The following RNF130 variants were observed in gnomAD, a reference collection of about 807,000 sequenced individuals.
RNF130 encodes the protein E3 ubiquitin-protein ligase RNF130.
RNF130 carries 21 observed loss-of-function variants against 44.6 expected under a neutral mutation model. The observed-to-expected ratio is 0.47, with a 90% CI of 0.33 to 0.68. The LOEUF is 0.68. Among genes scored for constraint, RNF130 ranks in the 30% least tolerant of loss-of-function variants. The probability of loss-of-function intolerance (pLI) is 0.02; values close to 1 mark genes in which losing one functional copy is unlikely to be tolerated. For missense variants in RNF130, 479 were observed against 560.6 expected, an observed-to-expected ratio of 0.85 and a Z score of 1.47; for synonymous variants, 214 against 210.4, an observed-to-expected ratio of 1.02 and a Z score of -0.15.
In RNF130 at chr5:180,052,055, G is replaced by A. The variant is rs569594000; in HGVS notation, c.248-11408C>T. 3.9e-4 allele frequency among the ~76,000 whole-genome samples: 60 copies of A among 152,060 alleles called. 1 individual carries two copies. The South Asian group carries it at 0.012, about 31-fold the overall frequency. On this transcript the variant is annotated intron_variant, in intron 1 of 8. Transcript: ENST00000521389. Reference sequence around the variant, plus strand: ...CTTCCCGAGGCTCTCTGTTCTCTTGGCTCCTATCCATCAAGTTTTCCTCCC... The same window carrying A: ...CTTCCCGAGGCTCTCTGTTCTCTTGACTCCTATCCATCAAGTTTTCCTCCC...
chr5:180,061,029 C>T (rs1265930704), intron 1 of RNF130, among the ~76,000 whole-genome samples: 1 of 144,488 alleles, frequency 6.9e-6, no homozygotes, highest in African/African-American at 2.7e-5. Flanking sequence ...CAAGATTGTC[C>T]CACTGCACTC....
At chr5:180,025,664 A>C (rs1158948790) in intron 2 of RNF130, among the ~76,000 whole-genome samples, 1 of 152,140 alleles carries the variant, frequency 6.6e-6, no homozygotes, top group Non-Finnish European at 1.5e-5. Flanking sequence ...AACCAGATGG[A>C]AGATACAGTA....
At chr5:179,937,467 A>G (rs1177157341) in intron 7 of RNF130, among the ~76,000 whole-genome samples, 1 of 152,224 alleles carries the variant, frequency 6.6e-6, no homozygotes, top group African/African-American at 2.4e-5. Context: ...ATCACTAGGC[A>G]TTAGGGAAAT....
chr5:179,966,839 G>C lies in RNF130; in HGVS notation c.1117C>G (p.Pro373Ala), dbSNP rs1465610621. Residue 373 changes from proline (P) to alanine (A), a missense_variant, in exon 7 of 9, where the codon CCG (proline) becomes GCG (alanine). Coordinates refer to ENST00000521389, the MANE Select transcript of RNF130 (RefSeq NM_018434.6). ...SPLPQDGELT[P>A]RTGEINIAVT... is the part of the protein sequence containing the mutation. ...GCAATGTTGATTTCTCCTGTTCTCG[G>C]AGTGAGCTCCCCATCCTGAGGAAGA... is the stretch of plus-strand genomic sequence containing the variant. The C allele has an allele frequency of 6.2e-7, 1 of 1,614,040 alleles. No individual in the cohort carries two copies. The highest frequency in any genetic ancestry group is 1.3e-5 in the African/African-American group (1 of 74,934).
intron 1 of RNF130, among the ~76,000 whole-genome samples, chr5:180,046,128 C>T (rs538012750): frequency 1.3e-5 from 2 of 152,300 alleles, no homozygotes; most frequent in South Asian, 2.1e-4. Context: ...TGGACCGCGG[C>T]GCGTGCAGGC....
At chr5:179,961,059 C>G (rs1213858474) in intron 8 of RNF130, among the ~76,000 whole-genome samples, 1 of 151,950 alleles carries the variant, frequency 6.6e-6, no homozygotes, top group Non-Finnish European at 1.5e-5. Context: ...TTCCTATCAT[C>G]TGCCACAATA....
chr5:180,032,613 A>G (rs1388904129), intron 2 of RNF130, among the ~76,000 whole-genome samples: 1 of 152,184 alleles, frequency 6.6e-6, no homozygotes, highest in East Asian at 1.9e-4. Flanking sequence ...TCACTGAATG[A>G]TCGTGGCACT....
chr5:180,012,530 C>A (rs1354308647), intron 3 of RNF130, among the ~76,000 whole-genome samples: 1 of 151,970 alleles, frequency 6.6e-6, no homozygotes, highest in Non-Finnish European at 1.5e-5. Flanking sequence ...GTCAGTGGAA[C>A]TCCTAGGATG....
At chr5:180,063,652 T>C (rs73810939) in intron 1 of RNF130, among the ~76,000 whole-genome samples, 1,851 of 152,292 alleles carry the variant, frequency 0.012, 45 homozygotes, top group African/African-American at 0.042. Flanking sequence ...CTCAGTGTTG[T>C]CTTATTTCAT....
At chr5:179,927,191 A>G (rs919660708) in intron 7 of RNF130, among the ~76,000 whole-genome samples, 2 of 152,214 alleles carry the variant, frequency 1.3e-5, no homozygotes, top group African/African-American at 4.8e-5. Context: ...TTCTTGAGAA[A>G]AATATAATGC....
intron 1 of RNF130, among the ~76,000 whole-genome samples, chr5:180,060,800 G>A (rs751318439): frequency 2.6e-5 from 4 of 152,020 alleles, no homozygotes; most frequent in South Asian, 2.1e-4. Flanking sequence ...AGCTATGTTC[G>A]GCCGGGCGCC....
intron 7 of RNF130, among the ~76,000 whole-genome samples, chr5:179,923,400 G>T (rs1396796034): frequency 6.6e-6 from 1 of 152,162 alleles, no homozygotes; most frequent in African/African-American, 2.4e-5. Flanking sequence ...CAATCCATTT[G>T]TCTGTCTTTA....
At chr5:180,014,865 G>A (rs1184489434) in intron 2 of RNF130, among the ~76,000 whole-genome samples, 1 of 152,026 alleles carries the variant, frequency 6.6e-6, no homozygotes, top group African/African-American at 2.4e-5. Context: ...ACATGTCTGT[G>A]GTCCCAGATA....
At chr5:180,040,794 A>C (rs1764390161) in intron 1 of RNF130, 147 bp from the exon 2 acceptor site, 1 of 658,894 alleles carries the variant, frequency 1.5e-6, no homozygotes. Context: ...ATCCACAAAC[A>C]ATACAATGAA....
At chr5:180,029,106 G>A (rs1178268060) in intron 2 of RNF130, among the ~76,000 whole-genome samples, 2 of 152,054 alleles carry the variant, frequency 1.3e-5, no homozygotes, top group Admixed American at 1.3e-4. Flanking sequence ...TCTTGTGACT[G>A]TTTGACATTT....
chr5:179,971,812 C>A (rs1430293580), intron 5 of RNF130, among the ~76,000 whole-genome samples: 1 of 152,202 alleles, frequency 6.6e-6, no homozygotes, highest in Non-Finnish European at 1.5e-5. Flanking sequence ...CTAGAGAACT[C>A]AGTTTCTACT....
At chr5:179,941,236 C>T (rs1336591357) in intron 7 of RNF130, among the ~76,000 whole-genome samples, 3 of 152,166 alleles carry the variant, frequency 2.0e-5, no homozygotes, top group South Asian at 2.1e-4. Context: ...GATTGCTGGA[C>T]ATGTATACAA....
chr5:179,939,482 C>T (rs879890943), intron 7 of RNF130: 19 of 198,518 alleles, frequency 9.6e-5, no homozygotes, highest in Admixed American at 8.0e-4. Context: ...TGCATGCAAG[C>T]GCAGCAGCTG....
chr5:180,043,728 A>C (rs1386197952), intron 1 of RNF130, among the ~76,000 whole-genome samples: 1 of 152,184 alleles, frequency 6.6e-6, no homozygotes, highest in African/African-American at 2.4e-5. Flanking sequence ...TCTATGAACA[A>C]CAGCATGATC....
Sources: allele counts gnomAD v4.1 joint callset (sites outside exome capture counted in the v4.1 genomes callset), GRCh38; gene constraint gnomAD v4.1.1; transcripts MANE v1.5; gene names NCBI Gene and HGNC (gene_info 2026-07-23, HGNC 2026-07-21).